Variants in SLC8A2 observed in about 807,000 individuals in gnomAD.
The protein encoded by SLC8A2 is sodium/calcium exchanger 2.
Under a neutral mutation model 70.2 loss-of-function variants are expected in SLC8A2, and 14 were observed. The observed-to-expected ratio is 0.20, with a 90% CI of 0.13 to 0.31. The LOEUF (loss-of-function observed/expected upper bound fraction) is 0.31. SLC8A2 is among the 10% of genes least tolerant of loss of function. The pLI, the probability that SLC8A2 is intolerant of heterozygous loss-of-function variation, is 1.00. For missense variants in SLC8A2, 779 were observed against 1,320.1 expected, an observed-to-expected ratio of 0.59 and a Z score of 6.35; for synonymous variants, 575 against 594.3, an observed-to-expected ratio of 0.97 and a Z score of 0.47.
intron 2 of SLC8A2, among the ~76,000 whole-genome samples, chr19:47,459,784 CATCT>C (rs1479219847): frequency 1.3e-5 from 2 of 151,482 alleles, no homozygotes; most frequent in Non-Finnish European, 2.9e-5. Context: ...CATGTGTGTC[CATCT>C]GTGTGTGTGT....
Position 47,430,542 on chromosome 19 carries a change from C to T in SLC8A2, c.2390-77G>A, listed in dbSNP as rs1599842211. 1 of 1,420,698 alleles carries T rather than the reference C, an allele frequency of 7.0e-7. No homozygotes were observed. The highest frequency in any genetic ancestry group is 2.5e-5 in the East Asian group (1 of 39,932). 88.0% of individuals were successfully genotyped at this position (1,420,698 alleles called of 1,614,324 possible). The stretch of plus-strand genomic sequence containing the variant: ...GGGCGGGCATCCGCCTGCCCCCTCC[C>T]AGCCTTTCCCGGTCGCCTGCTTTCT... On this transcript the variant is annotated intron_variant, in intron 9 of 9. Transcript: ENST00000236877. This position sits in a 1 kb window ranked among gnomAD's most constrained non-coding sequence, Gnocchi z 5.9.
At chr19:47,431,173 C>T (rs1365689522) in intron 9 of SLC8A2, among the ~76,000 whole-genome samples, 5 of 151,630 alleles carry the variant, frequency 3.3e-5, no homozygotes, top group Non-Finnish European at 5.9e-5. Context: ...GGATCACAGG[C>T]ATGCGCCACC....
At chr19:47,444,601 G>A (rs1468604987) in intron 4 of SLC8A2, among the ~76,000 whole-genome samples, 1 of 152,152 alleles carries the variant, frequency 6.6e-6, no homozygotes, top group Non-Finnish European at 1.5e-5. Flanking sequence ...CATGCTGACA[G>A]GGTGACACAC....
chr19:47,440,402 C>A (rs1386905535), intron 6 of SLC8A2, among the ~76,000 whole-genome samples: 2 of 152,194 alleles, frequency 1.3e-5, no homozygotes, highest in Non-Finnish European at 2.9e-5. Flanking sequence ...AAACCCAGAT[C>A]TGATTGTATG....
At position 47,430,493 on chromosome 19, in the gene SLC8A2, G is replaced by T. The variant is rs771600944; in HGVS notation, c.2390-28C>A. 1 of 1,555,824 alleles carries T rather than the reference G, an allele frequency of 6.4e-7. No individual in the cohort carries two copies. The highest frequency in any genetic ancestry group is 1.8e-5 in the Admixed American group (1 of 54,928). On this transcript the variant is annotated intron_variant, in intron 9 of 9. Coordinates refer to ENST00000236877, the MANE Select transcript of SLC8A2 (RefSeq NM_015063.3). This position sits in a 1 kb window ranked among gnomAD's most constrained non-coding sequence, Gnocchi z 5.9. ...GCGAGGCAGAGACATACAGGTCGGA[G>T]GGGCTTTGCGCCGCCACCCACAGGG...
chr19:47,464,398 C>T (rs1207806063), intron 2 of SLC8A2, among the ~76,000 whole-genome samples: 2 of 152,188 alleles, frequency 1.3e-5, no homozygotes, highest in East Asian at 3.9e-4. Flanking sequence ...AGGCATGAAC[C>T]ACCACACCTA....
rs59784842 is a variant in SLC8A2 at position 47,447,614 on chromosome 19, G to A, written c.1763+195C>T. ...GGGCCCAGCTGTTCAGTGAAGCCCC[G>A]CCCACGTCGTGGGCATGGGTCACAG... On this transcript the variant is annotated intron_variant, in intron 4 of 9. Transcript: ENST00000236877. This position sits in a 1 kb window ranked among gnomAD's most constrained non-coding sequence, Gnocchi z 5.1. 0.015 allele frequency: 5,821 copies of A among 395,392 alleles called. 277 individuals are homozygous for A. In the African/African-American group the frequency reaches 0.19, roughly 13 times the overall value. 24.5% of individuals were successfully genotyped at this position (395,392 alleles called of 1,614,324 possible).
chr19:47,458,213 G>A (rs1967339932), intron 2 of SLC8A2, among the ~76,000 whole-genome samples: 1 of 126,490 alleles, frequency 7.9e-6, no homozygotes, highest in Non-Finnish European at 1.6e-5. Context: ...ACCTCTTTCT[G>A]ACTGTTCATC....
rs1293904372 is a variant in SLC8A2 at position 47,468,975 on chromosome 19, T to TGGA, written c.-16-2557_-16-2556insTCC. Among the ~76,000 whole-genome samples, 46 of 152,278 alleles carry TGGA rather than the reference T, an allele frequency of 3.0e-4. No individual in the cohort carries two copies. Among genetic ancestry groups the TGGA allele is most frequent in the African/African-American group, 9.1e-4 (38 of 41,560 alleles). On this transcript the variant is annotated intron_variant, in intron 1 of 9. Transcript: ENST00000236877. This position sits in a 1 kb window ranked among gnomAD's most constrained non-coding sequence, Gnocchi z 5.1. ...AGGGGCTTCCATTTGCTTGAAAAGT[T>TGGA]CTTCTGAGAGTCTAACCCACAGCCT...
rs142749282 is a variant in SLC8A2, at chr19:47,445,695, G to T, written c.1763+2114C>A. 7.8e-3 allele frequency among the ~76,000 whole-genome samples: 1,186 copies of T among 152,332 alleles called. 7 individuals are homozygous for T. Among genetic ancestry groups the T allele is most frequent in the Non-Finnish European group, 0.012 (815 of 68,026 alleles). On this transcript the variant is annotated intron_variant, in intron 4 of 9. Transcript: ENST00000236877. ...TCTGAAGCCACAGCTGGGAGCTTGT[G>T]GGGGTGGGGGACAGAGGGTGTCCCA...
intron 9 of SLC8A2, among the ~76,000 whole-genome samples, chr19:47,431,903 A>G (rs1159300958): frequency 2.6e-5 from 4 of 151,990 alleles, no homozygotes; most frequent in Non-Finnish European, 5.9e-5. Flanking sequence ...TCTCTCTATG[A>G]AATCCATTGT....
At position 47,441,199 on chromosome 19, in the gene SLC8A2, A is replaced by G. The variant is rs759426507; in HGVS notation, c.1868-13T>C. 2.6e-5 allele frequency: 42 copies of G among 1,613,972 alleles called. No homozygotes were observed. Among genetic ancestry groups the G allele is most frequent in the Non-Finnish European group, 3.6e-5 (42 of 1,179,892 alleles). On this transcript the variant is annotated splice_polypyrimidine_tract_variant and intron_variant, in intron 5 of 9. Transcript: ENST00000236877. ...TTGAGTAGCAGAGCTGGGGAGAGAC[A>G]GAGACAGGCAGACAGTGAGATCAGT...
Position 47,466,306 on chromosome 19 carries a change from G to C in SLC8A2, c.98C>G (p.Ala33Gly), listed in dbSNP as rs1967459393. 6.7e-7 allele frequency: 1 copy of C among 1,496,370 alleles called. No individual in the cohort carries two copies. The highest frequency in any genetic ancestry group is 8.9e-7 in the Non-Finnish European group (1 of 1,119,218). The allele number at this position is 1,496,370 out of a possible 1,614,324, so 92.7% of individuals were successfully genotyped here. A position where few individuals can be genotyped will look rare whatever the true frequency, so the allele number is the denominator to read the frequency against. The change falls in exon 2 of 10, where the codon GCC becomes GGC. Residue 33 changes from alanine (A) to glycine (G), a missense_variant. Around this residue, in one of 6 missense-constraint regions of SLC8A2, gnomAD observed 65 missense variants for 61.3 expected, o/e 1.06. Coordinates refer to ENST00000236877, the MANE Select transcript of SLC8A2 (RefSeq NM_015063.3). The surrounding 1 kb of genome is among the most constrained non-coding windows in gnomAD (Gnocchi z 6.9). ...CCCTGTGCTGGTGTCGCTGTCATTG[G>C]CCGGGGGAGGCGGCAGGGAGGGGGT... is the stretch of plus-strand genomic sequence containing the variant. The part of the protein sequence containing the change: ...TPTPSLPPPP[A>G]NDSDTSTGGC...
chr19:47,437,009 A>G (rs553797125), intron 8 of SLC8A2, among the ~76,000 whole-genome samples: 1 of 152,156 alleles, frequency 6.6e-6, no homozygotes, highest in Non-Finnish European at 1.5e-5. Context: ...CTCCCGGTTC[A>G]GCCCAGAGCC....
intron 9 of SLC8A2, among the ~76,000 whole-genome samples, chr19:47,431,454 G>A (rs1361595099): frequency 6.6e-6 from 1 of 150,806 alleles, no homozygotes; most frequent in African/African-American, 2.4e-5. Context: ...TTCGAGACCA[G>A]CCTGGCCAAT....
At chr19:47,436,704 C>T (rs1967033396) in intron 8 of SLC8A2, among the ~76,000 whole-genome samples, 1 of 152,192 alleles carries the variant, frequency 6.6e-6, no homozygotes, top group Admixed American at 6.5e-5. Flanking sequence ...CAGGCCACTC[C>T]CTCCTCTGTC....
rs1350259080 is a variant in SLC8A2, at chr19:47,428,996, C to G, written c.*1093G>C. 6.6e-6 allele frequency: 1 copy of G among 152,322 alleles called. No homozygotes were observed. The highest frequency in any genetic ancestry group is 1.5e-5 in the Non-Finnish European group (1 of 67,998). The allele number at this position is 152,322 out of a possible 1,614,324, so 9.4% of individuals were successfully genotyped here. ...CCCACCCAGATCCCTTGGCCCAGTC[C>G]CATCCCCCCACCCATCCCCACCCCC... On this transcript the variant is annotated 3_prime_UTR_variant, in exon 10 of 10. Transcript: ENST00000236877.
At chr19:47,457,776 TTTTTCTTTTC>T (rs911023214) in intron 2 of SLC8A2, among the ~76,000 whole-genome samples, 182 bp from the exon 3 acceptor site, 4 of 146,202 alleles carry the variant, frequency 2.7e-5, no homozygotes, top group African/African-American at 1.0e-4. Context: ...CCTTTCTTTC[TTTTTCTTTTC>T]TTTTCTTTTC....
At chr19:47,471,275 G>A (rs944151973) in intron 1 of SLC8A2, among the ~76,000 whole-genome samples, 1 of 151,856 alleles carries the variant, frequency 6.6e-6, no homozygotes, top group Non-Finnish European at 1.5e-5. Flanking sequence ...CAGAGATGGC[G>A]CAAGAGGAAA....
Sources: gnomAD v4.1 joint callset for allele counts (sites outside exome capture counted in the v4.1 genomes callset) on GRCh38, gnomAD v4.1.1 for gene constraint, gnomAD v4.1.1 regional missense constraint, Gnocchi (gnomAD v3.1) non-coding constraint, MANE v1.5 for transcripts, NCBI Gene and HGNC (gene_info 2026-07-23, HGNC 2026-07-21) for gene names.